Variants in POGZ observed in about 807,000 individuals in gnomAD.
The protein encoded by POGZ is pogo transposable element derived with ZNF domain.
POGZ carries 17 observed loss-of-function variants against 134.6 expected under a neutral mutation model. That is an observed-to-expected ratio of 0.13 (90% confidence interval 0.09 to 0.19). The LOEUF (loss-of-function observed/expected upper bound fraction) is 0.19. POGZ is among the 10% of genes least tolerant of loss of function. POGZ has a pLI of 1.00. For missense variants in POGZ, 1,306 were observed against 1,769.7 expected (o/e 0.74, Z 4.70); for synonymous variants, 693 against 657.1 (o/e 1.05, Z -0.84).
chr1:151,433,606 C>CAAAAAAAAAAAAAAAAAAAAAAAAAAAA, intron 3 of POGZ, among the ~76,000 whole-genome samples: 1 of 81,738 alleles, frequency 1.2e-5, no homozygotes, highest in Non-Finnish European at 2.3e-5. Flanking sequence ...AATTCCGTCT[C>CAAAAAAAAAAAAAAAAAAAAAAAAAAAA]AAAAAAAAAA....
chr1:151,447,609 C>T (rs1661458805), intron 1 of POGZ, among the ~76,000 whole-genome samples: 2 of 146,200 alleles, frequency 1.4e-5, no homozygotes, highest in African/African-American at 5.1e-5. Flanking sequence ...CTAACTAACT[C>T]TTGGGATAAC....
chr1:151,457,574 AC>A (rs200256447), intron 1 of POGZ, among the ~76,000 whole-genome samples: 1,707 of 152,280 alleles, frequency 0.011, 27 homozygotes, highest in African/African-American at 0.039. Context: ...TCGTTTGCCA[AC>A]GAGCAGCCCT....
intron 17 of POGZ, 23 bp from the exon 18 acceptor site, chr1:151,406,654 A>G (rs775350410): frequency 6.2e-7 from 1 of 1,602,056 alleles, no homozygotes; most frequent in South Asian, 1.1e-5. Flanking sequence ...AAACAACAAA[A>G]ATAGTTAGCT....
At chr1:151,436,014 T>C (rs1394419198) in intron 3 of POGZ, among the ~76,000 whole-genome samples, 5 of 149,568 alleles carry the variant, frequency 3.3e-5, no homozygotes, top group Non-Finnish European at 7.4e-5. Context: ...TGGAGTGCAG[T>C]GGCGTGATCT....
rs1653625441 is a variant in POGZ at position 151,406,417 on chromosome 1, A to G, written c.2618T>C (p.Met873Thr). The G allele has an allele frequency of 1.3e-6, 2 of 1,561,782 alleles. No individual in the cohort carries two copies. The highest frequency in any genetic ancestry group is 1.7e-6 in the Non-Finnish European group (2 of 1,156,074). The change falls in exon 19 of 19, where the codon ATG (methionine) becomes ACG (threonine). Residue 873 changes from methionine to threonine, a missense_variant. Around this residue, in one of 10 missense-constraint regions of POGZ, gnomAD observed 214 missense variants for 255.5 expected, o/e 0.84. Coordinates refer to ENST00000271715, the MANE Select transcript of POGZ (RefSeq NM_015100.4). ...AGTGGGGAAGGAAGGAGGAGGGTACATATTCTTCACGTTCCGGTCATGCAC... is the reference window on the plus strand; with the variant it reads ...AGTGGGGAAGGAAGGAGGAGGGTACGTATTCTTCACGTTCCGGTCATGCAC... ...DRVHDRNVKN[M>T]YPPPSFPTNK...
At chr1:151,422,030 T>C (rs1391395577) in intron 10 of POGZ, among the ~76,000 whole-genome samples, 1 of 152,208 alleles carries the variant, frequency 6.6e-6, no homozygotes, top group Non-Finnish European at 1.5e-5. Flanking sequence ...ATTACAGGTG[T>C]GAGCCACCAC....
chr1:151,439,470 T>G (rs1660171084), intron 3 of POGZ, among the ~76,000 whole-genome samples: 1 of 152,158 alleles, frequency 6.6e-6, no homozygotes, highest in South Asian at 2.1e-4. Flanking sequence ...GGGCACTTAT[T>G]TAGAGCAACC....
rs1001758376 is a variant in POGZ at position 151,404,278 on chromosome 1, C to T, written c.*524G>A. ...ACCACAATGAAAAAAGTTTTTTATC[C>T]ATATATATAATAAACCAGTTTGTGA... On this transcript the variant is annotated 3_prime_UTR_variant, in exon 19 of 19. Coordinates refer to ENST00000271715, the MANE Select transcript of POGZ (RefSeq NM_015100.4). 2 of 982,452 alleles carry T rather than the reference C, an allele frequency of 2.0e-6. No individual in the cohort carries two copies. The highest frequency in any genetic ancestry group is 1.1e-4 in the East Asian group (1 of 8,804). 60.9% of individuals were successfully genotyped at this position (982,452 alleles called of 1,614,324 possible).
At chr1:151,450,639 C>A (rs1254101928) in intron 1 of POGZ, among the ~76,000 whole-genome samples, 1 of 152,158 alleles carries the variant, frequency 6.6e-6, no homozygotes, top group African/African-American at 2.4e-5. Flanking sequence ...CAGGCATGAG[C>A]AGTCGTGCCC....
intron 3 of POGZ, among the ~76,000 whole-genome samples, chr1:151,434,471 A>AC (rs959889825): frequency 2.0e-5 from 3 of 152,164 alleles, no homozygotes; most frequent in East Asian, 1.9e-4. Flanking sequence ...ACAAAGTGAG[A>AC]CCCCATCTTG....
chr1:151,452,779 G>A (rs1662288948), intron 1 of POGZ, among the ~76,000 whole-genome samples: 1 of 151,618 alleles, frequency 6.6e-6, no homozygotes, highest in Non-Finnish European at 1.5e-5. Flanking sequence ...CAGGATAATC[G>A]CTTGAATTCG....
At chr1:151,413,046 T>C (rs886791633) in intron 10 of POGZ, among the ~76,000 whole-genome samples, 2 of 151,760 alleles carry the variant, frequency 1.3e-5, no homozygotes, top group African/African-American at 4.8e-5. Context: ...TCAGGTGATC[T>C]ACCTGTCCCA....
At chr1:151,444,728 G>A (rs1661027226) in intron 1 of POGZ, among the ~76,000 whole-genome samples, 2 of 152,174 alleles carry the variant, frequency 1.3e-5, no homozygotes, top group East Asian at 1.9e-4. Context: ...AATACCTTAA[G>A]AGTTTCAGTT....
chr1:151,450,506 C>A (rs1312988770), intron 1 of POGZ, among the ~76,000 whole-genome samples: 1 of 152,120 alleles, frequency 6.6e-6, no homozygotes. Context: ...GCATGTGCTA[C>A]CACGCCTGGT....
At chr1:151,433,537 G>C (rs1231242242) in intron 3 of POGZ, among the ~76,000 whole-genome samples, 2 of 148,870 alleles carry the variant, frequency 1.3e-5, no homozygotes, top group Non-Finnish European at 3.0e-5. Flanking sequence ...GAACCCAGGA[G>C]GCAGAGGTTG....
chr1:151,405,064 A>T lies in POGZ; in HGVS notation c.3971T>A (p.Leu1324Gln), dbSNP rs764688711. 4.3e-6 allele frequency: 7 copies of T among 1,614,212 alleles called. No homozygotes were observed. In the South Asian group the frequency reaches 7.7e-5, roughly 18 times the overall value. The part of the protein sequence containing the change: ...DCPELVQRSF[L>Q]VASVLPGPDG... The stretch of plus-strand genomic sequence containing the variant: ...GGGGCCAGGCAGAACACTAGCCACC[A>T]GGAAGGAGCGCTGAACTAGCTCTGG... The change falls in exon 19 of 19, where the codon CTG (leucine) becomes CAG (glutamine). Residue 1324 changes from leucine to glutamine, a missense_variant. This residue lies in a region of POGZ where 67 missense variants were observed against 105.8 expected (regional missense o/e 0.63). Coordinates refer to ENST00000271715, the MANE Select transcript of POGZ (RefSeq NM_015100.4). The surrounding 1 kb of genome is among the most constrained non-coding windows in gnomAD (Gnocchi z 4.9).
intron 1 of POGZ, among the ~76,000 whole-genome samples, chr1:151,454,635 C>G (rs554190480): frequency 6.6e-6 from 1 of 152,262 alleles, no homozygotes; most frequent in South Asian, 2.1e-4. Flanking sequence ...TAAAGGGGTT[C>G]AATATTCAGG....
chr1:151,416,246 G>GA (rs1655660917), intron 10 of POGZ, among the ~76,000 whole-genome samples: 8 of 102,392 alleles, frequency 7.8e-5, no homozygotes, highest in South Asian at 3.4e-4. Flanking sequence ...GAAAAAGAAA[G>GA]AAAAGAAAAA....
At chr1:151,430,187 T>C (rs550681181) in intron 4 of POGZ, among the ~76,000 whole-genome samples, 3 of 152,308 alleles carry the variant, frequency 2.0e-5, no homozygotes, top group Admixed American at 2.0e-4. Flanking sequence ...AGAGAAGCAT[T>C]TGCCTTTAGA....
Sources: gnomAD v4.1 joint callset for allele counts (sites outside exome capture counted in the v4.1 genomes callset) on GRCh38, gnomAD v4.1.1 for gene constraint, gnomAD v4.1.1 regional missense constraint, Gnocchi (gnomAD v3.1) non-coding constraint, MANE v1.5 for transcripts, NCBI Gene and HGNC (gene_info 2026-07-23, HGNC 2026-07-21) for gene names.